NADSYN1: variants seen among roughly 807,000 people sequenced by gnomAD.
The protein encoded by NADSYN1 is glutamine-dependent NAD(+) synthetase.
Under a neutral mutation model 99.3 loss-of-function variants are expected in NADSYN1, and 80 were observed. That is an observed-to-expected ratio of 0.81 (90% CI 0.67 to 0.97). The LOEUF (loss-of-function observed/expected upper bound fraction) is 0.97. Among genes scored for constraint, NADSYN1 ranks in the 50% least tolerant of loss-of-function variants. NADSYN1 has a pLI of 0.00. For synonymous variants in NADSYN1, 385 were observed against 372.1 expected, an observed-to-expected ratio of 1.03 and a Z score of -0.40; for missense variants, 859 against 948.5, an observed-to-expected ratio of 0.91 and a Z score of 1.24.
intron 17 of NADSYN1, among the ~76,000 whole-genome samples, chr11:71,491,316 A>G (rs1341161511): frequency 6.6e-6 from 1 of 152,272 alleles, no homozygotes; most frequent in Non-Finnish European, 1.5e-5. Context: ...CAGATGGATC[A>G]GTGTCCGGAC....
chr11:71,481,035 G>A (rs1949703672), intron 11 of NADSYN1, 156 bp downstream of exon 11: 1 of 1,030,934 alleles, frequency 9.7e-7, no homozygotes, highest in Non-Finnish European at 1.4e-6. Flanking sequence ...GGGCGTGGAT[G>A]CTAGAGCCAG....
chr11:71,466,882 G>A (rs1387391566), intron 5 of NADSYN1: 1 of 152,184 alleles, frequency 6.6e-6, no homozygotes, highest in Non-Finnish European at 1.5e-5. Flanking sequence ...GAGACCCTGG[G>A]ACCCTGGGCG....
At position 71,459,412 on chromosome 11, in the gene NADSYN1, T is replaced by G. The variant is rs1949535351; in HGVS notation, c.263+868T>G. On this transcript the variant is annotated intron_variant, in intron 3 of 20. Transcript: ENST00000319023. ...CTGCTTAGCCACCCCTATGGAGGCC[T>G]CTGTGTGTGCTGTGCTGGTGTCTGT... Among the ~76,000 whole-genome samples the G allele has an allele frequency of 2.0e-5, 3 of 150,764 alleles. No homozygotes were observed. In the South Asian group the frequency reaches 6.3e-4, roughly 32 times the overall value.
intron 9 of NADSYN1, chr11:71,476,973 C>T (rs1032219775): frequency 5.9e-6 from 6 of 1,017,432 alleles, no homozygotes; most frequent in Middle Eastern, 4.8e-4. Context: ...GGCCACAGGC[C>T]TGCTGTATTC....
intron 8 of NADSYN1, 32 bp downstream of exon 8, chr11:71,473,718 G>A (rs200673173): frequency 1.4e-6 from 2 of 1,475,266 alleles, no homozygotes; most frequent in Non-Finnish European, 1.9e-6. Context: ...GTGCGCCACA[G>A]GGCAGACACT....
chr11:71,494,988 C>T (rs1949809899), intron 18 of NADSYN1, among the ~76,000 whole-genome samples: 1 of 151,782 alleles, frequency 6.6e-6, no homozygotes, highest in Admixed American at 6.6e-5. Flanking sequence ...CCAAGCATAA[C>T]TTTTTGTTTT....
chr11:71,491,456 C>T lies in NADSYN1; in HGVS notation c.1695-378C>T, dbSNP rs924005202. The stretch of plus-strand genomic sequence containing the variant: ...TGCAGACATGCTTAGCTTCGCCACA[C>T]GGGGTGTGCTGGGTGTTAGCAGGTA... On this transcript the variant is annotated intron_variant, in intron 17 of 20. Transcript: ENST00000319023. 5.9e-5 allele frequency among the ~76,000 whole-genome samples: 9 copies of T among 152,368 alleles called. No homozygotes were observed. The East Asian group carries it at 1.2e-3, about 20-fold the overall frequency.
At chr11:71,499,322 C>T (rs1018360798) in intron 20 of NADSYN1, 6 of 152,196 alleles carry the variant, frequency 3.9e-5, no homozygotes, top group Admixed American at 6.5e-5. Context: ...GTGGCTGGAT[C>T]GCAGGGTAGT....
chr11:71,468,599 A>G (rs1393732810), intron 5 of NADSYN1, among the ~76,000 whole-genome samples: 1 of 152,266 alleles, frequency 6.6e-6, no homozygotes, highest in Non-Finnish European at 1.5e-5. Context: ...TGAGTTCTTT[A>G]AAAGTCCAGT....
chr11:71,453,778 T>G (rs943506840), intron 1 of NADSYN1, among the ~76,000 whole-genome samples: 1 of 152,086 alleles, frequency 6.6e-6, no homozygotes, highest in African/African-American at 2.4e-5. Flanking sequence ...ATTGATGGTC[T>G]CTGGTCCCCG....
At position 71,458,430 on chromosome 11, in the gene NADSYN1, G is replaced by T; in HGVS notation, c.149G>T (p.Gly50Val). 6.2e-7 allele frequency: 1 copy of T among 1,612,786 alleles called. No individual in the cohort carries two copies. The highest frequency in any genetic ancestry group is 8.5e-7 in the Non-Finnish European group (1 of 1,178,804). The change falls in exon 3 of 21, where the codon GGC becomes GTC. Residue 50 changes from glycine (G) to valine (V), a missense_variant and splice_region_variant. Physicochemically the swap from Gly to Val is moderately radical, Grantham distance 109. Transcript: ENST00000319023. ...YRLGPELEIC[G>V]YGCWDHYYES... ...TCACCTTCTCACTGTCTCTGCAGCG[G>T]CTACGGATGTTGGGATCATTATTAC...
At chr11:71,461,811 C>G (rs1444036373) in intron 3 of NADSYN1, among the ~76,000 whole-genome samples, 2 of 152,220 alleles carry the variant, frequency 1.3e-5, no homozygotes, top group Non-Finnish European at 2.9e-5. Flanking sequence ...CAGTGCCAAC[C>G]CATTCATAAG....
chr11:71,491,901 G>A lies in NADSYN1; in HGVS notation c.1762G>A (p.Glu588Lys), dbSNP rs1161728465. 7 of 1,613,748 alleles carry A rather than the reference G, an allele frequency of 4.3e-6. No individual in the cohort carries two copies. In the East Asian group the frequency reaches 1.1e-4, roughly 26 times the overall value. Residue 588 changes from glutamate (E) to lysine (K), a missense_variant and splice_region_variant, in exon 18 of 21, where the codon GAG becomes AAG. Glu to Lys is a moderately conservative substitution (Grantham distance 56). Transcript: ENST00000319023. ...LADGQVSQTD[E>K]EDMGMTYAEL... ...TGATGGACAGGTGTCCCAGACCGAC[G>A]AGGTAATGGCGGTGGCTTTGCCATG...
At chr11:71,496,126 A>G (rs1949816983) in intron 18 of NADSYN1, among the ~76,000 whole-genome samples, 1 of 152,172 alleles carries the variant, frequency 6.6e-6, no homozygotes, top group South Asian at 2.1e-4. Flanking sequence ...TCCATGAGCC[A>G]CACCTTCCAT....
Position 71,485,612 on chromosome 11 carries a change from G to A in NADSYN1, c.1526G>A (p.Gly509Glu). The A allele has an allele frequency of 6.4e-7, 1 of 1,559,784 alleles. No individual in the cohort carries two copies. The change falls in exon 16 of 21, where the codon GGG (glycine) becomes GAG (glutamate). Residue 509 changes from glycine (G) to glutamate (E), a missense_variant. Gly to Glu is a moderately conservative substitution (Grantham distance 98, BLOSUM62 -2). Coordinates refer to ENST00000319023, the MANE Select transcript of NADSYN1 (RefSeq NM_018161.5). ...LSLWSRGVHG[G>E]LLVLGSANVD... ...CTCTGGTCTCGGGGTGTCCACGGTG[G>A]GCTCCTCGTGCTGGGATCCGCCAAC... is the stretch of plus-strand genomic sequence containing the variant.
chr11:71,463,495 C>T lies in NADSYN1; in HGVS notation c.317+10C>T, dbSNP rs1419000728. The T allele has an allele frequency of 1.9e-6, 3 of 1,613,132 alleles. No homozygotes were observed. The South Asian group carries it at 3.3e-5, about 18-fold the overall frequency. On this transcript the variant is annotated intron_variant, in intron 4 of 20. Transcript: ENST00000319023. ...TGATATTCCTCAACAGGTAGGCCCC[C>T]TGCCCCCACCCCGGGAGGGTGACTG...
At chr11:71,476,128 G>A (rs755530972) in intron 9 of NADSYN1, 42 of 456,136 alleles carry the variant, frequency 9.2e-5, no homozygotes, top group Admixed American at 6.3e-4. Context: ...GCCCCAAGCC[G>A]GCGTGGGTGG....
chr11:71,463,198 GAGA>G (rs1301118629), intron 3 of NADSYN1, among the ~76,000 whole-genome samples: 1 of 152,220 alleles, frequency 6.6e-6, no homozygotes, highest in African/African-American at 2.4e-5. Context: ...GCCCTTCATT[GAGA>G]AGAAGCTCCT....
At chr11:71,456,997 T>C (rs983263054) in intron 2 of NADSYN1, among the ~76,000 whole-genome samples, 20 of 152,238 alleles carry the variant, frequency 1.3e-4, no homozygotes, top group African/African-American at 4.8e-4. Flanking sequence ...GCAGTTTCCT[T>C]TGAGCTGGTG....
Sources: gnomAD v4.1 joint callset for allele counts (sites outside exome capture counted in the v4.1 genomes callset) on GRCh38, gnomAD v4.1.1 for gene constraint, MANE v1.5 for transcripts, NCBI Gene and HGNC (gene_info 2026-07-23, HGNC 2026-07-21) for gene names.